The following CDC26 variants were observed in gnomAD, a reference collection of about 807,000 sequenced individuals.
The protein encoded by CDC26 is anaphase-promoting complex subunit CDC26.
CDC26 carries 2 observed loss-of-function variants against 8.0 expected under a neutral mutation model. That is an observed-to-expected ratio of 0.25 (90% CI 0.10 to 0.79). CDC26 has a LOEUF of 0.79. Ranked by LOEUF, CDC26 falls within the 30% of genes least tolerant of loss-of-function variation. The probability of loss-of-function intolerance (pLI) is 0.70; values close to 1 mark genes in which losing one functional copy is unlikely to be tolerated. For missense variants in CDC26, 68 were observed against 106.0 expected, an observed-to-expected ratio of 0.64 and a Z score of 1.57; for synonymous variants, 19 against 34.9, an observed-to-expected ratio of 0.55 and a Z score of 1.60.
intron 3 of CDC26, among the ~76,000 whole-genome samples, chr9:113,270,706 T>C (rs1352129140): frequency 2.0e-5 from 3 of 152,092 alleles, no homozygotes; most frequent in African/African-American, 4.8e-5. Flanking sequence ...GATAAATAGA[T>C]TGGCATGTTC....
At chr9:113,271,123 G>C (rs555081656) in intron 3 of CDC26, among the ~76,000 whole-genome samples, 1 of 152,296 alleles carries the variant, frequency 6.6e-6, no homozygotes, top group Non-Finnish European at 1.5e-5. Flanking sequence ...TAAGAGAAAG[G>C]GAGGACTCAG....
intron 2 of CDC26, 143 bp from the exon 3 acceptor site, chr9:113,272,691 CTTT>C (rs367685408): frequency 3.0e-3 from 1,057 of 353,424 alleles, no homozygotes; most frequent in Middle Eastern, 7.4e-3. Context: ...CTTCTAAAGT[CTTT>C]TTTTTTTTTT....
intron 3 of CDC26, among the ~76,000 whole-genome samples, chr9:113,268,811 G>A (rs1204745954): frequency 1.3e-5 from 2 of 152,014 alleles, no homozygotes; most frequent in African/African-American, 4.8e-5. Flanking sequence ...CTGGAGTGTA[G>A]TGGCGCCATC....
At chr9:113,273,070 C>T (rs1489610898) in intron 2 of CDC26, among the ~76,000 whole-genome samples, 2 of 152,308 alleles carry the variant, frequency 1.3e-5, no homozygotes, top group East Asian at 1.9e-4. Context: ...AAATCAAAAA[C>T]TCTTTCTGTA....
At chr9:113,268,107 C>T (rs1342236422) in intron 3 of CDC26, among the ~76,000 whole-genome samples, 1 of 152,076 alleles carries the variant, frequency 6.6e-6, no homozygotes, top group Non-Finnish European at 1.5e-5. Flanking sequence ...GTCTACACTG[C>T]CAAAGAGACA....
Position 113,267,199 on chromosome 9 carries a change from TG to T in CDC26, c.*63del. Reference sequence around the variant, plus strand: ...CTGCAAGCACTCAATTCTCTAAATCTGGTTTGTACTTCTGCCATCATTTTAT... The same window carrying T: ...CTGCAAGCACTCAATTCTCTAAATCTGTTTGTACTTCTGCCATCATTTTAT... On this transcript the variant is annotated 3_prime_UTR_variant, in exon 4 of 4. Transcript: ENST00000374206. 1 of 1,017,664 alleles carries T rather than the reference TG, an allele frequency of 9.8e-7. No homozygotes were observed. The highest frequency in any genetic ancestry group is 1.4e-6 in the Non-Finnish European group (1 of 711,788). 63.0% of individuals were successfully genotyped at this position (1,017,664 alleles called of 1,614,324 possible). A position where few individuals can be genotyped will look rare whatever the true frequency, so the allele number is the denominator to read the frequency against.
chr9:113,269,086 T>A (rs58402825), intron 3 of CDC26, among the ~76,000 whole-genome samples: 13,996 of 152,172 alleles, frequency 0.092, 991 homozygotes, highest in African/African-American at 0.19. Context: ...CCAGGCATGG[T>A]GGCGCATGCC....
intron 3 of CDC26, among the ~76,000 whole-genome samples, chr9:113,268,053 G>GA (rs769818822): frequency 6.6e-6 from 1 of 152,090 alleles, no homozygotes; most frequent in Non-Finnish European, 1.5e-5. Flanking sequence ...CAGGCAAACA[G>GA]ACGATTATAG....
intron 3 of CDC26, among the ~76,000 whole-genome samples, chr9:113,270,464 G>GTAAATGATTTTACAATAAAAAAA: frequency 6.6e-6 from 1 of 151,450 alleles, no homozygotes; most frequent in East Asian, 1.9e-4. Flanking sequence ...CGTCCCTAAT[G>GTAAATGATTTTACAATAAAAAAA]TAAATGATTT....
chr9:113,267,710 G>T lies in CDC26; in HGVS notation c.82-271C>A, dbSNP rs554900534. Among the ~76,000 whole-genome samples, 138 of 152,004 alleles carry T rather than the reference G, an allele frequency of 9.1e-4. 1 individual carries two copies. Among genetic ancestry groups the T allele is most frequent in the Non-Finnish European group, 1.4e-3 (93 of 67,962 alleles). ...TCTACTAAAAATACAAAAATTTGGC[G>T]GGGCACGGTGGCTCACATCTGTAAT... On this transcript the variant is annotated intron_variant, in intron 3 of 3. Coordinates refer to ENST00000374206, the MANE Select transcript of CDC26 (RefSeq NM_139286.4).
Position 113,275,471 on chromosome 9 carries a change from C to G in CDC26, c.-241G>C. The G allele has an allele frequency of 6.5e-6, 3 of 462,008 alleles. No individual in the cohort carries two copies. Among genetic ancestry groups the G allele is most frequent in the Non-Finnish European group, 1.2e-5 (3 of 256,566 alleles). 28.6% of individuals were successfully genotyped at this position (462,008 alleles called of 1,614,324 possible). On this transcript the variant is annotated 5_prime_UTR_variant, in exon 1 of 4. Coordinates refer to ENST00000374206, the MANE Select transcript of CDC26 (RefSeq NM_139286.4). The stretch of plus-strand genomic sequence containing the variant: ...AGCCAACTGGACTACACTTCCCAGA[C>G]TGCTTGGAGCCTCTCTCTCCGCAGA...
At chr9:113,268,694 T>C (rs933357957) in intron 3 of CDC26, among the ~76,000 whole-genome samples, 20 of 152,238 alleles carry the variant, frequency 1.3e-4, no homozygotes, top group Admixed American at 2.6e-4. Flanking sequence ...AGGCGGAGGA[T>C]TGCTTGAGCC....
At chr9:113,269,232 AT>A (rs1434329088) in intron 3 of CDC26, among the ~76,000 whole-genome samples, 4 of 148,738 alleles carry the variant, frequency 2.7e-5, no homozygotes, top group Non-Finnish European at 4.4e-5. Flanking sequence ...AACAATAAAA[AT>A]AAAAAAAAAA....
chr9:113,272,684 C>T, intron 2 of CDC26, 136 bp from the exon 3 acceptor site: 2 of 422,490 alleles, frequency 4.7e-6, no homozygotes, highest in South Asian at 2.4e-5. Flanking sequence ...ACATAGACTT[C>T]TAAAGTCTTT....
chr9:113,272,770 C>T (rs990152737), intron 2 of CDC26, among the ~76,000 whole-genome samples: 1 of 151,032 alleles, frequency 6.6e-6, no homozygotes, highest in Non-Finnish European at 1.5e-5. Context: ...TAGCTCACTA[C>T]AGCCTCAACT....
intron 3 of CDC26, among the ~76,000 whole-genome samples, chr9:113,270,600 G>A (rs139935228): frequency 2.0e-5 from 3 of 152,250 alleles, no homozygotes; most frequent in Admixed American, 2.0e-4. Flanking sequence ...GGTCAAAAGT[G>A]GCCTCTTAAA....
Position 113,272,566 on chromosome 9 carries a change from G to A in CDC26, c.-41-18C>T. The A allele has an allele frequency of 3.1e-6, 4 of 1,298,136 alleles. No homozygotes were observed. The highest frequency in any genetic ancestry group is 4.5e-6 in the Non-Finnish European group (4 of 894,472). The allele number at this position is 1,298,136 out of a possible 1,614,324, so 80.4% of individuals were successfully genotyped here. A position where few individuals can be genotyped will look rare whatever the true frequency, so the allele number is the denominator to read the frequency against. On this transcript the variant is annotated intron_variant, in intron 2 of 3. Coordinates refer to ENST00000374206, the MANE Select transcript of CDC26 (RefSeq NM_139286.4). ...ACTATTAGCTGTTAAAAATGAAAGA[G>A]AGGAGGAAAATCTGAAGGTGATAAA... is the stretch of plus-strand genomic sequence containing the variant.
intron 1 of CDC26, among the ~76,000 whole-genome samples, chr9:113,274,342 G>A (rs1347600369): frequency 6.6e-6 from 1 of 152,150 alleles, no homozygotes; most frequent in East Asian, 1.9e-4. Context: ...TACAAAGGAA[G>A]AAATAGTTCC....
intron 3 of CDC26, 69 bp from the exon 4 acceptor site, chr9:113,267,508 T>C: frequency 1.3e-6 from 2 of 1,524,258 alleles, no homozygotes; most frequent in Non-Finnish European, 1.8e-6. Flanking sequence ...TTAGAACACC[T>C]ACCATGTACT....
Sources: gnomAD v4.1 joint callset for allele counts (sites outside exome capture counted in the v4.1 genomes callset) on GRCh38, gnomAD v4.1.1 for gene constraint, MANE v1.5 for transcripts, NCBI Gene and HGNC (gene_info 2026-07-23, HGNC 2026-07-21) for gene names.